Variants in CCDC127 observed in about 807,000 individuals in gnomAD.
The protein encoded by CCDC127 is coiled-coil domain-containing protein 127.
Under a neutral mutation model 4.1 loss-of-function variants are expected in CCDC127, and 2 were observed. The ratio of observed to expected loss-of-function variants is 0.49; its 90% CI spans 0.20 to 1.53. CCDC127 has a LOEUF of 1.53. Among genes scored for constraint, CCDC127 ranks in the 40% most tolerant of loss-of-function variants. The pLI, the probability that CCDC127 is intolerant of heterozygous loss-of-function variation, is 0.23. For missense variants in CCDC127, 271 were observed against 322.9 expected (o/e 0.84, Z 1.23); for synonymous variants, 98 against 120.4 (o/e 0.81, Z 1.22).
At chr5:206,175 G>A (rs56264962) in intron 2 of CCDC127, among the ~76,000 whole-genome samples, 51,174 of 152,054 alleles carry the variant, frequency 0.34, 10,339 homozygotes, top group African/African-American at 0.56. Context: ...CCTAACCCTA[G>A]CCCTTTCCGT....
Position 218,118 on chromosome 5 carries a change from G to A in CCDC127, c.-36C>T. 1.6e-6 allele frequency: 2 copies of A among 1,224,314 alleles called. No individual in the cohort carries two copies. The highest frequency in any genetic ancestry group is 2.0e-6 in the Non-Finnish European group (2 of 980,326). The allele number at this position is 1,224,314 out of a possible 1,614,324, so 75.8% of individuals were successfully genotyped here. ...CTCGGTCGGGGAGCGCGGGACCTCA[G>A]CGTTCCCTTAACGCCACCGTCCGCG... On this transcript the variant is annotated 5_prime_UTR_variant, in exon 1 of 3. Transcript: ENST00000296824.
rs1225566784 is a variant in CCDC127, at chr5:205,254, C to T, written c.*43G>A. ...CGGAGACCCAGAAGGCGCATGACTGCCTGGCCTCGAGTCACTAAAAGCAGT... is the reference window on the plus strand; with the variant it reads ...CGGAGACCCAGAAGGCGCATGACTGTCTGGCCTCGAGTCACTAAAAGCAGT... On this transcript the variant is annotated 3_prime_UTR_variant, in exon 3 of 3. Transcript: ENST00000296824. The T allele has an allele frequency of 6.4e-7, 1 of 1,550,868 alleles. No individual in the cohort carries two copies. Among genetic ancestry groups the T allele is most frequent in the African/African-American group, 1.4e-5 (1 of 73,294 alleles).
In CCDC127 at chr5:205,246, C is replaced by T; in HGVS notation, c.*51G>A. 6.5e-7 allele frequency: 1 copy of T among 1,530,606 alleles called. No homozygotes were observed. The allele number at this position is 1,530,606 out of a possible 1,614,324, so 94.8% of individuals were successfully genotyped here. A position where few individuals can be genotyped will look rare whatever the true frequency, so the allele number is the denominator to read the frequency against. ...GAAGACGCCGGAGACCCAGAAGGCG[C>T]ATGACTGCCTGGCCTCGAGTCACTA... On this transcript the variant is annotated 3_prime_UTR_variant, in exon 3 of 3. Transcript: ENST00000296824.
Position 205,884 on chromosome 5 carries a change from AAGC to A in CCDC127, c.193_195del (p.Ala65del). The stretch of plus-strand genomic sequence containing the variant: ...TACTTGGCTTCCAGATCCTGTTGAA[AAGC>A]AGCAGTTCTCCGACGGTAGGCTTCT... On this transcript the variant is annotated inframe_deletion, in exon 3 of 3. Transcript: ENST00000296824. 1.2e-6 allele frequency: 2 copies of A among 1,614,192 alleles called. No individual in the cohort carries two copies. Among genetic ancestry groups the A allele is most frequent in the Non-Finnish European group, 1.7e-6 (2 of 1,180,036 alleles).
chr5:216,152 C>T (rs1345677824), intron 2 of CCDC127: 1 of 151,434 alleles, frequency 6.6e-6, no homozygotes, highest in East Asian at 1.9e-4. Flanking sequence ...CCAGGCTCCA[C>T]TGATCTTCCC....
rs375923887 is a variant in CCDC127 at position 210,766 on chromosome 5, T to C, written c.122-4808A>G. Among the ~76,000 whole-genome samples, 37 of 96,764 alleles carry C rather than the reference T, an allele frequency of 3.8e-4. No individual in the cohort carries two copies. The East Asian group carries it at 4.4e-3, about 11-fold the overall frequency. 63.5% of individuals were successfully genotyped at this position (96,764 alleles called of 152,430 possible). On this transcript the variant is annotated intron_variant, in intron 2 of 2. Coordinates refer to ENST00000296824, the MANE Select transcript of CCDC127 (RefSeq NM_145265.3). The stretch of plus-strand genomic sequence containing the variant: ...TGTGAGCACGCTGAGATGCTCGACA[T>C]TGCACACTGCAGCCACGACGAGACA...
chr5:218,096 G>A lies in CCDC127; in HGVS notation c.-14C>T. On this transcript the variant is annotated 5_prime_UTR_variant, in exon 1 of 3. Transcript: ENST00000296824. ...CCCGGAACAGGGCCCGCTCTACCTC[G>A]GTCGGGGAGCGCGGGACCTCAGCGT... The A allele has an allele frequency of 8.3e-7, 1 of 1,198,850 alleles. No homozygotes were observed. 74.3% of individuals were successfully genotyped at this position (1,198,850 alleles called of 1,614,324 possible).
In CCDC127 at chr5:205,536, T is replaced by G. The variant is rs752531970; in HGVS notation, c.544A>C (p.Lys182Gln). 2 of 1,614,094 alleles carry G rather than the reference T, an allele frequency of 1.2e-6. No homozygotes were observed. Among genetic ancestry groups the G allele is most frequent in the Non-Finnish European group, 1.7e-6 (2 of 1,179,920 alleles). Residue 182 changes from lysine to glutamine, a missense_variant, in exon 3 of 3, where the codon AAG (lysine) becomes CAG (glutamine). Transcript: ENST00000296824. Reference sequence around the variant, plus strand: ...AAGCTCTTCTCTATCTCCAGCCGCTTGCTGCGAGGAAGAAACAGACTGCAG... The same window carrying G: ...AAGCTCTTCTCTATCTCCAGCCGCTGGCTGCGAGGAAGAAACAGACTGCAG... ...IYCSLFLPRS[K>Q]RLEIEKSLLV... is the part of the protein sequence containing the mutation.
At chr5:217,878 C>A (rs1490964307) in intron 1 of CCDC127, among the ~76,000 whole-genome samples, 3 of 152,250 alleles carry the variant, frequency 2.0e-5, no homozygotes, top group African/African-American at 7.2e-5. Context: ...CACACAATTA[C>A]AAAATAGTTT....
intron 1 of CCDC127, 54 bp downstream of exon 1, chr5:218,039 G>A (rs757488586): frequency 8.7e-6 from 9 of 1,032,908 alleles, no homozygotes; most frequent in South Asian, 4.6e-5. Flanking sequence ...AACCACCCAC[G>A]GGGCTTTAAA....
chr5:217,732 A>G lies in CCDC127; in HGVS notation c.-11+361T>C, dbSNP rs531596614. ...TTACAGAGTTCTCTGCTTCGGGCTC[A>G]GCATGCACCCTCCATAGCTAGGCTG... is the stretch of plus-strand genomic sequence containing the variant. On this transcript the variant is annotated intron_variant, in intron 1 of 2. Coordinates refer to ENST00000296824, the MANE Select transcript of CCDC127 (RefSeq NM_145265.3). Among the ~76,000 whole-genome samples, 4 of 152,142 alleles carry G rather than the reference A, an allele frequency of 2.6e-5. No homozygotes were observed. In the East Asian group the frequency reaches 7.7e-4, roughly 29 times the overall value.
In CCDC127 at chr5:198,723, C is replaced by T. The variant is rs373804108; in HGVS notation, c.*6574G>A. 2 of 152,446 alleles carry T rather than the reference C, an allele frequency of 1.3e-5. No homozygotes were observed. Among genetic ancestry groups the T allele is most frequent in the Middle Eastern group, 6.8e-3 (2 of 294 alleles). The allele number at this position is 152,446 out of a possible 1,614,324, so 9.4% of individuals were successfully genotyped here. A position where few individuals can be genotyped will look rare whatever the true frequency, so the allele number is the denominator to read the frequency against. ...CCATCCTGCATGGCCGTTCACCATT[C>T]GCTGGGTCTTTGTCCTCGCCCAATC... is the stretch of plus-strand genomic sequence containing the variant. On this transcript the variant is annotated 3_prime_UTR_variant, in exon 3 of 3. Coordinates refer to ENST00000296824, the MANE Select transcript of CCDC127 (RefSeq NM_145265.3).
intron 1 of CCDC127, 74 bp downstream of exon 1, chr5:218,019 G>A (rs62346523): frequency 1.1e-6 from 1 of 913,618 alleles, no homozygotes; most frequent in Non-Finnish European, 1.4e-6. Flanking sequence ...CGGTCTGGGC[G>A]ATCCCGGAGA....
chr5:213,793 T>G (rs1371086950), intron 2 of CCDC127: 1 of 152,216 alleles, frequency 6.6e-6, no homozygotes, highest in African/African-American at 2.4e-5. Context: ...CAGCCCTTCT[T>G]AAAAAACTAA....
chr5:209,779 T>A (rs931660946), intron 2 of CCDC127, among the ~76,000 whole-genome samples: 25 of 152,218 alleles, frequency 1.6e-4, no homozygotes, highest in African/African-American at 6.0e-4. Context: ...CACGGCCACG[T>A]GGGGATTGCT....
chr5:206,754 T>G (rs1382246398), intron 2 of CCDC127, among the ~76,000 whole-genome samples: 1 of 152,240 alleles, frequency 6.6e-6, no homozygotes, highest in Non-Finnish European at 1.5e-5. Context: ...TCATGCATGT[T>G]GGAGCAACTG....
intron 1 of CCDC127, chr5:217,147 A>G (rs920115110): frequency 8.7e-6 from 2 of 229,800 alleles, no homozygotes; most frequent in Non-Finnish European, 1.7e-5. Context: ...AAAAAAGAAA[A>G]AGAAAAAGGA....
In CCDC127 at chr5:205,013, GCT is replaced by G. The variant is rs2126503638; in HGVS notation, c.*282_*283del. The G allele has an allele frequency of 3.4e-6, 1 of 296,500 alleles. No individual in the cohort carries two copies. Among genetic ancestry groups the G allele is most frequent in the African/African-American group, 2.1e-5 (1 of 46,596 alleles). The allele number at this position is 296,500 out of a possible 1,614,324, so 18.4% of individuals were successfully genotyped here. The stretch of plus-strand genomic sequence containing the variant: ...TTTAAAAAACCATTTTTACCCTGGA[GCT>G]AAAATACGAGGTTATACTGTTCTGC... On this transcript the variant is annotated 3_prime_UTR_variant, in exon 3 of 3. Coordinates refer to ENST00000296824, the MANE Select transcript of CCDC127 (RefSeq NM_145265.3).
In CCDC127 at chr5:205,665, T is replaced by C. The variant is rs1345461928; in HGVS notation, c.415A>G (p.Ser139Gly). ...CTTTGCAGGCAGCTCAAATACGCAC[T>C]TCTCAAAGGCTGCACCTGTCTTTTT... The part of the protein sequence containing the change: ...QEKRQVQPLR[S>G]AYLSCLQREE... Residue 139 changes from serine to glycine, a missense_variant, in exon 3 of 3, where the codon AGT becomes GGT. Physicochemically the swap from Ser to Gly is moderately conservative, Grantham distance 56. This residue lies in a region of CCDC127 where 265 missense variants were observed against 270.9 expected (regional missense o/e 0.98). Transcript: ENST00000296824. The C allele has an allele frequency of 6.2e-7, 1 of 1,614,066 alleles. No homozygotes were observed. Among genetic ancestry groups the C allele is most frequent in the South Asian group, 1.1e-5 (1 of 91,088 alleles).
Sources: allele counts gnomAD v4.1 joint callset (sites outside exome capture counted in the v4.1 genomes callset), GRCh38; gene constraint gnomAD v4.1.1; regional missense constraint gnomAD v4.1.1; transcripts MANE v1.5; gene names NCBI Gene and HGNC (gene_info 2026-07-23, HGNC 2026-07-21).